The following ATXN1 variants were observed in gnomAD, a reference collection of about 807,000 sequenced individuals.
The protein encoded by ATXN1 is ataxin-1.
A neutral mutation model predicts 56.4 loss-of-function variants in ATXN1; 8 were observed. The observed-to-expected ratio is 0.14, with a 90% CI of 0.08 to 0.26. The LOEUF is 0.26. Among genes scored for constraint, ATXN1 ranks in the 10% least tolerant of loss-of-function variants. ATXN1 has a pLI of 1.00. For missense variants in ATXN1, 987 were observed against 1,106.5 expected, an observed-to-expected ratio of 0.89 and a Z score of 1.53; for synonymous variants, 514 against 494.6, an observed-to-expected ratio of 1.04 and a Z score of -0.52.
intron 4 of ATXN1, among the ~76,000 whole-genome samples, chr6:16,527,172 G>A (rs1456421933): frequency 6.6e-6 from 1 of 152,096 alleles, no homozygotes; most frequent in East Asian, 1.9e-4. Context: ...ATTTGCTGAA[G>A]TCACATGACA....
At chr6:16,420,049 C>T (rs1447467350) in intron 6 of ATXN1, among the ~76,000 whole-genome samples, 1 of 152,196 alleles carries the variant, frequency 6.6e-6, no homozygotes, top group Non-Finnish European at 1.5e-5. Context: ...CATGAACCAC[C>T]ACACTGGTGC....
intron 2 of ATXN1, among the ~76,000 whole-genome samples, chr6:16,727,157 T>C (rs999800051): frequency 1.3e-5 from 2 of 152,170 alleles, no homozygotes; most frequent in Admixed American, 1.3e-4. Flanking sequence ...TCTCCTCTAG[T>C]AAATTATGTT....
intron 4 of ATXN1, among the ~76,000 whole-genome samples, chr6:16,555,026 G>C (rs72825519): frequency 0.052 from 7,956 of 152,310 alleles, 245 homozygotes; most frequent in Admixed American, 0.069. Context: ...CCCTGGGACT[G>C]AGCCATGCTC....
intron 6 of ATXN1, among the ~76,000 whole-genome samples, chr6:16,390,427 C>G (rs1030635141): frequency 6.6e-6 from 1 of 151,976 alleles, no homozygotes; most frequent in African/African-American, 2.4e-5. Context: ...CTTTGGGATG[C>G]CTGAGTTCAT....
chr6:16,441,524 G>C (rs535326080), intron 6 of ATXN1, among the ~76,000 whole-genome samples: 3 of 152,156 alleles, frequency 2.0e-5, no homozygotes, highest in East Asian at 1.9e-4. Context: ...TCTTACCACA[G>C]AGACATGCCC....
chr6:16,415,655 C>T (rs1266081428), intron 6 of ATXN1, among the ~76,000 whole-genome samples: 2 of 152,232 alleles, frequency 1.3e-5, no homozygotes, highest in Non-Finnish European at 2.9e-5. Context: ...GCCTGGTTCT[C>T]GGCTCACACT....
At chr6:16,613,031 C>T (rs1161626573) in intron 3 of ATXN1, among the ~76,000 whole-genome samples, 2 of 148,832 alleles carry the variant, frequency 1.3e-5, no homozygotes, top group South Asian at 2.1e-4. Context: ...TTTGGGAGGC[C>T]GAGGCGGGTG....
rs375277840 is a variant in ATXN1 at position 16,306,725 on chromosome 6, C to T, written c.2052G>A (p.Ser684=). 3.1e-6 allele frequency: 5 copies of T among 1,614,068 alleles called. No individual in the cohort carries two copies. The highest frequency in any genetic ancestry group is 2.2e-5 in the East Asian group (1 of 44,882). Residue 684 remains serine (S), a synonymous_variant, in exon 8 of 8, where the codon TCG becomes TCA. Transcript: ENST00000436367. The surrounding 1 kb of genome is among the most constrained non-coding windows in gnomAD (Gnocchi z 5.2). ...CGTTCTTCAGGTTCTTGAGGGTAAG[C>T]GAGATGCAGACATCCCCAACTGAGA... ...SKLSVGDVCI[S]LTLKNLKNGS...
At chr6:16,579,306 A>G (rs1762480433) in intron 4 of ATXN1, among the ~76,000 whole-genome samples, 1 of 152,222 alleles carries the variant, frequency 6.6e-6, no homozygotes, top group Non-Finnish European at 1.5e-5. Context: ...CGGGGAAAAC[A>G]GAAACAGTGA....
At chr6:16,339,816 C>T (rs1158160265) in intron 6 of ATXN1, among the ~76,000 whole-genome samples, 2 of 152,198 alleles carry the variant, frequency 1.3e-5, no homozygotes. Context: ...CGGAGTCTCA[C>T]TCTGTCACCA....
At chr6:16,590,696 T>C (rs1762706603) in intron 3 of ATXN1, among the ~76,000 whole-genome samples, 1 of 151,864 alleles carries the variant, frequency 6.6e-6, no homozygotes, top group African/African-American at 2.4e-5. Context: ...TTGAGACAAG[T>C]TCTCACTCTG....
chr6:16,617,517 C>T (rs1763235984), intron 3 of ATXN1, among the ~76,000 whole-genome samples: 1 of 151,590 alleles, frequency 6.6e-6, no homozygotes, highest in Admixed American at 6.6e-5. Context: ...ATCAAGATAA[C>T]AGAATATAAG....
intron 5 of ATXN1, among the ~76,000 whole-genome samples, chr6:16,512,827 T>C (rs1761108388): frequency 6.6e-6 from 1 of 152,206 alleles, no homozygotes; most frequent in Non-Finnish European, 1.5e-5. Context: ...TTAGACCCTC[T>C]ACCTGCCATC....
chr6:16,325,603 C>T (rs767907961), intron 7 of ATXN1, among the ~76,000 whole-genome samples: 3 of 152,130 alleles, frequency 2.0e-5, no homozygotes, highest in African/African-American at 4.8e-5. Context: ...TCCTGACCCA[C>T]CTGGGGCTTC....
rs368470065 is a variant in ATXN1 at position 16,537,041 on chromosome 6, C to CTT, written c.-360-14355_-360-14354dup. On this transcript the variant is annotated intron_variant, in intron 4 of 7. Coordinates refer to ENST00000436367, the MANE Select transcript of ATXN1 (RefSeq NM_001128164.2). ...TACTTGGCCTTAGGAAATGTAAAAT[C>CTT]TTTTTTTTTTTTTTGATAAGAGGTT... Among the ~76,000 whole-genome samples, 356 of 143,040 alleles carry CTT rather than the reference C, an allele frequency of 2.5e-3. 2 individuals are homozygous for CTT. The highest frequency in any genetic ancestry group is 0.022 in the South Asian group (100 of 4,452). 93.8% of individuals were successfully genotyped at this position (143,040 alleles called of 152,430 possible).
intron 6 of ATXN1, among the ~76,000 whole-genome samples, chr6:16,374,330 T>C (rs1475222883): frequency 6.6e-6 from 1 of 152,222 alleles, no homozygotes; most frequent in East Asian, 1.9e-4. Flanking sequence ...ACTTCCCTAC[T>C]ATAAAAACCA....
rs181674517 is a variant in ATXN1, at chr6:16,488,929, T to C, written c.-298-2820A>G. 3.3e-3 allele frequency among the ~76,000 whole-genome samples: 499 copies of C among 152,186 alleles called. 2 individuals carry two copies. The highest frequency in any genetic ancestry group is 0.01 in the Middle Eastern group (3 of 294). On this transcript the variant is annotated intron_variant, in intron 5 of 7. Coordinates refer to ENST00000436367, the MANE Select transcript of ATXN1 (RefSeq NM_001128164.2). ...AAAAGCACTTCCTGAAGCCAAGGTG[T>C]CCAATATCTTGCCATCGGACCTGGG...
In ATXN1 at chr6:16,303,675, ATG is replaced by A. The variant is rs1760170816; in HGVS notation, c.*2652_*2653del. ...GATGATGTTCCTATTGCTCCAAACCATGTGTGTTTTCCCATCTTAGTGTTGGT... is the reference window on the plus strand; with the variant it reads ...GATGATGTTCCTATTGCTCCAAACCATGTGTTTTCCCATCTTAGTGTTGGT... On this transcript the variant is annotated 3_prime_UTR_variant, in exon 8 of 8. Transcript: ENST00000436367. This position sits in a 1 kb window ranked among gnomAD's most constrained non-coding sequence, Gnocchi z 4.3. 1 of 152,576 alleles carries A rather than the reference ATG, an allele frequency of 6.6e-6. No homozygotes were observed. The highest frequency in any genetic ancestry group is 2.4e-5 in the African/African-American group (1 of 41,426). 9.5% of individuals were successfully genotyped at this position (152,576 alleles called of 1,614,324 possible). A position where few individuals can be genotyped will look rare whatever the true frequency, so the allele number is the denominator to read the frequency against.
chr6:16,665,539 T>TC (rs1387640403), intron 2 of ATXN1, among the ~76,000 whole-genome samples: 2 of 146,050 alleles, frequency 1.4e-5, no homozygotes, highest in East Asian at 4.2e-4. Flanking sequence ...CCAGAAAAGG[T>TC]CTTGGGTGGG....
Sources: allele counts gnomAD v4.1 joint callset (sites outside exome capture counted in the v4.1 genomes callset), GRCh38; gene constraint gnomAD v4.1.1; non-coding constraint Gnocchi (gnomAD v3.1); transcripts MANE v1.5; gene names NCBI Gene and HGNC (gene_info 2026-07-23, HGNC 2026-07-21).